ARHGAP42: variants seen among roughly 807,000 people sequenced by gnomAD.
ARHGAP42 encodes rho GTPase-activating protein 42.
Under a neutral mutation model 125.0 loss-of-function variants are expected in ARHGAP42, and 63 were observed. The ratio of observed to expected loss-of-function variants is 0.50; its 90% CI spans 0.41 to 0.62. The LOEUF is 0.62. ARHGAP42 is among the 20% of genes least tolerant of loss of function. The pLI is 0.00. For synonymous variants in ARHGAP42, 339 were observed against 351.0 expected (o/e 0.97, Z 0.38); for missense variants, 766 against 1,024.2 (o/e 0.75, Z 3.44).
intron 1 of ARHGAP42, among the ~76,000 whole-genome samples, chr11:100,720,175 G>C (rs1861735788): frequency 6.6e-6 from 1 of 152,172 alleles, no homozygotes; most frequent in Admixed American, 6.5e-5. Context: ...TAGATGGCCT[G>C]GTGTATGTGA....
At chr11:100,952,760 C>G (rs1398625309) in intron 12 of ARHGAP42, among the ~76,000 whole-genome samples, 1 of 67,466 alleles carries the variant, frequency 1.5e-5, no homozygotes, top group Non-Finnish European at 2.7e-5. Context: ...TGGAGTCTCA[C>G]ACTGTTGCCC....
intron 1 of ARHGAP42, among the ~76,000 whole-genome samples, chr11:100,733,375 T>C (rs892836623): frequency 9.9e-5 from 15 of 152,230 alleles, no homozygotes; most frequent in African/African-American, 3.6e-4. Context: ...CAAAGATTTT[T>C]TGAGTGTCTA....
intron 3 of ARHGAP42, among the ~76,000 whole-genome samples, chr11:100,821,151 T>C (rs1015123038): frequency 3.9e-5 from 6 of 151,988 alleles, no homozygotes; most frequent in African/African-American, 1.5e-4. Flanking sequence ...TCCCTGTAAG[T>C]ATAAAAGGAG....
intron 1 of ARHGAP42, among the ~76,000 whole-genome samples, chr11:100,693,160 G>GTTT (rs11453104): frequency 4.9e-5 from 7 of 141,928 alleles, no homozygotes; most frequent in African/African-American, 1.3e-4. Context: ...TTGCACGTAG[G>GTTT]TTTTTTTTTT....
At chr11:100,863,488 T>C (rs1865498270) in intron 4 of ARHGAP42, among the ~76,000 whole-genome samples, 2 of 152,166 alleles carry the variant, frequency 1.3e-5, no homozygotes, top group African/African-American at 4.8e-5. Flanking sequence ...CCACAAACAT[T>C]TCCTTTGTAG....
At chr11:100,694,322 C>G (rs1227192173) in intron 1 of ARHGAP42, among the ~76,000 whole-genome samples, 4 of 152,036 alleles carry the variant, frequency 2.6e-5, no homozygotes, top group African/African-American at 4.8e-5. Flanking sequence ...AAATAATATC[C>G]TAATATTTTA....
At chr11:100,857,338 G>T (rs1036320824) in intron 3 of ARHGAP42, among the ~76,000 whole-genome samples, 1 of 152,092 alleles carries the variant, frequency 6.6e-6, no homozygotes, top group Non-Finnish European at 1.5e-5. Context: ...TAATTATTCT[G>T]TTTTGTTATA....
intron 3 of ARHGAP42, among the ~76,000 whole-genome samples, chr11:100,800,795 A>T (rs1411284268): frequency 6.6e-6 from 1 of 152,236 alleles, no homozygotes; most frequent in African/African-American, 2.4e-5. Flanking sequence ...AACTATAGAT[A>T]CAAGTCTAAT....
intron 22 of ARHGAP42, 76 bp downstream of exon 22, chr11:100,979,125 T>A: frequency 1.4e-6 from 2 of 1,392,524 alleles, no homozygotes; most frequent in Non-Finnish European, 2.0e-6. Context: ...TGACACTCTC[T>A]GTGACAGCTC....
chr11:100,709,050 G>GT (rs1159071373), intron 1 of ARHGAP42, among the ~76,000 whole-genome samples: 1 of 150,704 alleles, frequency 6.6e-6, no homozygotes, highest in Non-Finnish European at 1.5e-5. Context: ...AGCTCTTTTT[G>GT]TTTTTTTGAG....
At chr11:100,864,456 A>G (rs1286908083) in intron 4 of ARHGAP42, among the ~76,000 whole-genome samples, 1 of 152,140 alleles carries the variant, frequency 6.6e-6, no homozygotes, top group Non-Finnish European at 1.5e-5. Flanking sequence ...TGCTGGGATT[A>G]CAGTCGTGAG....
chr11:100,791,397 A>G (rs149043515), intron 2 of ARHGAP42, among the ~76,000 whole-genome samples: 1 of 152,342 alleles, frequency 6.6e-6, no homozygotes, highest in African/African-American at 2.4e-5. Context: ...GAAAGCACAG[A>G]AAGATCTGTG....
At chr11:100,742,845 T>A (rs377196484) in intron 1 of ARHGAP42, among the ~76,000 whole-genome samples, 11 of 152,216 alleles carry the variant, frequency 7.2e-5, no homozygotes, top group South Asian at 4.1e-4. Flanking sequence ...TTTCTACTGT[T>A]GTTCCTTTAA....
At chr11:100,857,728 C>A (rs1340393791) in intron 3 of ARHGAP42, among the ~76,000 whole-genome samples, 1 of 151,992 alleles carries the variant, frequency 6.6e-6, no homozygotes, top group Non-Finnish European at 1.5e-5. Flanking sequence ...CCATTGATTC[C>A]TCTCTCTTTC....
intron 4 of ARHGAP42, among the ~76,000 whole-genome samples, chr11:100,899,598 G>A (rs540660920): frequency 1.1e-4 from 16 of 151,924 alleles, no homozygotes; most frequent in East Asian, 7.7e-4. Flanking sequence ...ATTATGTAAT[G>A]GACTTCTTTG....
At chr11:100,947,200 G>A (rs1193036885) in intron 10 of ARHGAP42, among the ~76,000 whole-genome samples, 1 of 151,644 alleles carries the variant, frequency 6.6e-6, no homozygotes, top group East Asian at 1.9e-4. Context: ...TTTTATTGTT[G>A]TTTTGAATAG....
At chr11:100,778,344 C>T (rs185086957) in intron 2 of ARHGAP42, among the ~76,000 whole-genome samples, 34 of 152,112 alleles carry the variant, frequency 2.2e-4, no homozygotes, top group African/African-American at 7.7e-4. Context: ...ACTACCTTCT[C>T]ATTTGCTGAA....
At chr11:100,988,188 T>A (rs1274374747) in intron 23 of ARHGAP42, among the ~76,000 whole-genome samples, 1 of 151,864 alleles carries the variant, frequency 6.6e-6, no homozygotes, top group Non-Finnish European at 1.5e-5. Flanking sequence ...GGCATTTGTG[T>A]GTATGTACCT....
intron 3 of ARHGAP42, among the ~76,000 whole-genome samples, chr11:100,824,245 C>A (rs1361814457): frequency 6.6e-6 from 1 of 151,520 alleles, no homozygotes; most frequent in Non-Finnish European, 1.5e-5. Context: ...AGCTTGGTGG[C>A]CACATCTTTT....
Sources: gnomAD v4.1 joint callset for allele counts (sites outside exome capture counted in the v4.1 genomes callset) on GRCh38, gnomAD v4.1.1 for gene constraint, MANE v1.5 for transcripts, NCBI Gene and HGNC (gene_info 2026-07-23, HGNC 2026-07-21) for gene names.